The following PPP2R2B variants were observed in gnomAD, a reference collection of about 807,000 sequenced individuals.
The protein encoded by PPP2R2B is protein phosphatase 2 regulatory subunit Bbeta, also known as serine/threonine-protein phosphatase 2A 55 kDa regulatory subunit B beta isoform.
In PPP2R2B, 5 loss-of-function variants were observed where a neutral mutation model predicts 46.0. That is an observed-to-expected ratio of 0.11 (90% CI 0.06 to 0.23). The LOEUF (loss-of-function observed/expected upper bound fraction) is 0.23, where lower values mean the gene tolerates loss of function less well. Ranked by LOEUF, PPP2R2B falls within the 10% of genes least tolerant of loss-of-function variation. PPP2R2B has a pLI of 1.00. For synonymous variants in PPP2R2B, 215 were observed against 206.7 expected (o/e 1.04, Z -0.34); for missense variants, 367 against 575.0 (o/e 0.64, Z 3.70).
intron 4 of PPP2R2B, 21 bp downstream of exon 4, chr5:146,697,958 C>T (rs753460367): frequency 3.8e-6 from 6 of 1,596,888 alleles, no homozygotes; most frequent in Non-Finnish European, 4.3e-6. Flanking sequence ...TCTGAAAATA[C>T]CAAACAGGAA....
At chr5:146,873,621 CT>C (rs1199933431) in intron 2 of PPP2R2B, among the ~76,000 whole-genome samples, 1 of 151,574 alleles carries the variant, frequency 6.6e-6, no homozygotes, top group African/African-American at 2.4e-5. Flanking sequence ...TAGTTATTAA[CT>C]TTTTTTTTGA....
chr5:147,004,637 C>T (rs537070075), intron 1 of PPP2R2B, among the ~76,000 whole-genome samples: 11 of 152,288 alleles, frequency 7.2e-5, no homozygotes, highest in African/African-American at 2.6e-4. Context: ...TTAGCCAAAG[C>T]TGGAGCTATT....
intron 2 of PPP2R2B, among the ~76,000 whole-genome samples, chr5:146,806,019 C>G (rs775409713): frequency 5.9e-5 from 9 of 152,204 alleles, no homozygotes; most frequent in Non-Finnish European, 1.2e-4. Context: ...AAGGCCAACT[C>G]TTTCAGAATT....
intron 1 of PPP2R2B, among the ~76,000 whole-genome samples, chr5:147,004,808 AT>A: frequency 6.6e-6 from 1 of 152,298 alleles, no homozygotes; most frequent in South Asian, 2.1e-4. Flanking sequence ...GAGAACAGGA[AT>A]AGCTCTTGTG....
At chr5:146,984,795 GC>G (rs1200395720) in intron 1 of PPP2R2B, among the ~76,000 whole-genome samples, 1 of 151,688 alleles carries the variant, frequency 6.6e-6, no homozygotes, top group Non-Finnish European at 1.5e-5. Context: ...ATTTCTTGTG[GC>G]TTTAATTTGC....
At chr5:146,629,456 C>T (rs1187227208) in intron 7 of PPP2R2B, among the ~76,000 whole-genome samples, 1 of 152,152 alleles carries the variant, frequency 6.6e-6, no homozygotes, top group African/African-American at 2.4e-5. Flanking sequence ...CTGTGCCCAC[C>T]CTGGTCAAAG....
chr5:146,896,409 C>A (rs555649596), intron 1 of PPP2R2B, among the ~76,000 whole-genome samples: 25 of 152,312 alleles, frequency 1.6e-4, no homozygotes, highest in African/African-American at 4.8e-4. Context: ...CCCACTGTTA[C>A]TTGACTCTAC....
chr5:146,754,056 C>A (rs1753706089), intron 2 of PPP2R2B, among the ~76,000 whole-genome samples: 1 of 152,042 alleles, frequency 6.6e-6, no homozygotes, highest in Admixed American at 6.6e-5. Context: ...TGAAAAGGGC[C>A]AAAAATAATC....
intron 2 of PPP2R2B, among the ~76,000 whole-genome samples, chr5:146,793,000 T>C (rs996953591): frequency 6.6e-5 from 10 of 152,072 alleles, no homozygotes; most frequent in Non-Finnish European, 1.3e-4. Context: ...TGGGGGTCAG[T>C]GGTAAAAGTG....
At chr5:146,622,180 C>T (rs966238631) in intron 7 of PPP2R2B, among the ~76,000 whole-genome samples, 3 of 152,178 alleles carry the variant, frequency 2.0e-5, no homozygotes, top group African/African-American at 7.2e-5. Flanking sequence ...CTACCTTTGC[C>T]TAGATCTTTG....
At chr5:146,992,672 G>C (rs1307776218) in intron 1 of PPP2R2B, among the ~76,000 whole-genome samples, 1 of 152,190 alleles carries the variant, frequency 6.6e-6, no homozygotes, top group Non-Finnish European at 1.5e-5. Flanking sequence ...TTCAGGGCAG[G>C]GGGCTCTCAT....
chr5:146,832,383 T>TC (rs1297210849), intron 2 of PPP2R2B, among the ~76,000 whole-genome samples: 4 of 129,048 alleles, frequency 3.1e-5, no homozygotes, highest in Admixed American at 3.0e-4. Flanking sequence ...TTTAATCTTT[T>TC]TTTTTTTTTT....
chr5:146,675,207 G>A (rs550520983), intron 5 of PPP2R2B, among the ~76,000 whole-genome samples: 45 of 152,138 alleles, frequency 3.0e-4, no homozygotes, highest in Non-Finnish European at 6.2e-4. Context: ...TGATCCACCC[G>A]CCTCAGCCTC....
At chr5:147,053,498 T>A (rs1227515071) in intron 1 of PPP2R2B, among the ~76,000 whole-genome samples, 3 of 151,558 alleles carry the variant, frequency 2.0e-5, no homozygotes, top group Non-Finnish European at 4.4e-5. Context: ...ACAGCCATAT[T>A]TTTTTTCTAG....
At chr5:146,627,118 C>T (rs950699753) in intron 7 of PPP2R2B, among the ~76,000 whole-genome samples, 1 of 152,128 alleles carries the variant, frequency 6.6e-6, no homozygotes, top group Admixed American at 6.5e-5. Flanking sequence ...CTCCTTGCAG[C>T]AAGGCTTTTG....
intron 2 of PPP2R2B, among the ~76,000 whole-genome samples, chr5:146,781,131 G>GATATATATATATATATATATAT (rs56697862): frequency 2.4e-4 from 12 of 49,460 alleles, no homozygotes; most frequent in Non-Finnish European, 3.5e-4. Flanking sequence ...ATGCCACCAT[G>GATATATATATATATATATATAT]ATATATATAT....
At chr5:146,595,263 C>T (rs1049299155) in intron 8 of PPP2R2B, among the ~76,000 whole-genome samples, 11 of 152,162 alleles carry the variant, frequency 7.2e-5, no homozygotes, top group African/African-American at 2.7e-4. Flanking sequence ...GGCATCTCTG[C>T]TATAAACTAA....
At chr5:146,831,957 C>T (rs1401084182) in intron 2 of PPP2R2B, among the ~76,000 whole-genome samples, 1 of 152,202 alleles carries the variant, frequency 6.6e-6, no homozygotes, top group Admixed American at 6.5e-5. Context: ...AATCCTGACC[C>T]TGTGTAGGCC....
chr5:146,884,452 T>C (rs1198449003), intron 1 of PPP2R2B, among the ~76,000 whole-genome samples: 1 of 152,202 alleles, frequency 6.6e-6, no homozygotes, highest in Non-Finnish European at 1.5e-5. Flanking sequence ...AACGTAGGAA[T>C]GTTCGGTCAT....
Sources: gnomAD v4.1 joint callset for allele counts (sites outside exome capture counted in the v4.1 genomes callset) on GRCh38, gnomAD v4.1.1 for gene constraint, MANE v1.5 for transcripts, NCBI Gene and HGNC (gene_info 2026-07-23, HGNC 2026-07-21) for gene names.